Variants in CEBPZOS observed in about 807,000 individuals in gnomAD.
CEBPZOS encodes the protein CEBPZ opposite strand.
A neutral mutation model predicts 4.8 loss-of-function variants in CEBPZOS; 10 were observed. The observed-to-expected ratio is 2.07, with a 90% confidence interval of 1.28 to 3.52. The LOEUF is 3.52. Ranked by LOEUF, CEBPZOS falls within the 30% of genes most tolerant of loss-of-function variation. The pLI is 0.00. For synonymous variants in CEBPZOS, 25 were observed against 14.2 expected (o/e 1.77, Z -1.72); for missense variants, 98 against 43.6 (o/e 2.25, Z -3.51).
At chr2:37,216,143 G>A (rs751180231), downstream of CEBPZOS, 5 of 1,608,104 alleles carry the variant, frequency 3.1e-6, no homozygotes, top group Non-Finnish European at 4.3e-6. Flanking sequence ...TACTTACCAG[G>A]AAGATGACGA....
At chr2:37,216,151 C>T (rs140521893), downstream of CEBPZOS, 1,167 of 1,610,764 alleles carry the variant, frequency 7.2e-4, no homozygotes, top group Non-Finnish European at 9.6e-4. Flanking sequence ...AGGAAGATGA[C>T]GAATATCCTT....
chr2:37,206,862 A>G (rs1677555984), downstream of CEBPZOS, among the ~76,000 whole-genome samples: 1 of 152,224 alleles, frequency 6.6e-6, no homozygotes, highest in Non-Finnish European at 1.5e-5. Flanking sequence ...TCCTCTTAAA[A>G]GATACATTTG....
intron 1 of CEBPZOS, among the ~76,000 whole-genome samples, chr2:37,199,305 T>C (rs1216491922): frequency 6.6e-6 from 1 of 152,206 alleles, no homozygotes; most frequent in East Asian, 1.9e-4. Context: ...GATCTTACTT[T>C]TGTACGGCAC....
chr2:37,200,663 A>G (rs1677177255), intron 2 of CEBPZOS, among the ~76,000 whole-genome samples: 1 of 12,482 alleles, frequency 8.0e-5, no homozygotes, highest in Non-Finnish European at 1.1e-4. Context: ...TATCTTAAGA[A>G]AAAAAAAAAA....
At chr2:37,212,004 TTA>T in intron 4 of CEBPZOS, 1 of 1,603,748 alleles carries the variant, frequency 6.2e-7, no homozygotes, top group Middle Eastern at 1.7e-4. Flanking sequence ...ATCTAATGTG[TTA>T]TCCTTAGCTC....
At chr2:37,213,514 C>T (rs542907777) in exon 5 of CEBPZOS, 12 of 168,918 alleles carry the variant, frequency 7.1e-5, no homozygotes, top group Admixed American at 1.8e-4. Flanking sequence ...TGGATTCAAG[C>T]GATTCTCGTG....
downstream of CEBPZOS, among the ~76,000 whole-genome samples, chr2:37,206,580 A>G (rs1196054752): frequency 6.6e-6 from 1 of 151,442 alleles, no homozygotes; most frequent in Non-Finnish European, 1.5e-5. Flanking sequence ...CTGGTCTTGA[A>G]CTCCTGACTT....
intron 4 of CEBPZOS, chr2:37,209,776 T>C (rs150421073): frequency 1.6e-4 from 24 of 151,900 alleles, no homozygotes; most frequent in African/African-American, 5.8e-4. Context: ...CAAAAACAAA[T>C]AGATGGGACT....
At position 37,211,023 on chromosome 2, in the gene CEBPZOS, A is replaced by T. The variant is rs1452625750; in HGVS notation, c.*3-2414A>T. On this transcript the variant is annotated intron_variant, in intron 4 of 4. Coordinates refer to the CEBPZOS transcript ENST00000397064. ...CCTTGAAATGAGCCAGCAAAGTCAA[A>T]ATCATCTGTACCTTTTCTCTTGCTT... 4 of 1,611,196 alleles carry T rather than the reference A, an allele frequency of 2.5e-6. No individual in the cohort carries two copies. Among genetic ancestry groups the T allele is most frequent in the Non-Finnish European group, 3.4e-6 (4 of 1,178,722 alleles).
chr2:37,210,989 AT>A, intron 4 of CEBPZOS: 1 of 1,592,634 alleles, frequency 6.3e-7, no homozygotes. Context: ...TATTAAATGT[AT>A]TTTCTTACCT....
chr2:37,215,190 A>T (rs76305548), downstream of CEBPZOS: 1 of 206,162 alleles, frequency 4.9e-6, no homozygotes, highest in Non-Finnish European at 8.1e-6. Context: ...CATAGCTGTC[A>T]GTGCCGTTAC....
rs774197779 is a variant in CEBPZOS at position 37,202,460 on chromosome 2, C to T, written c.*600C>T. ...AGGAGTTCGAGACCAGCCTGGCCAA[C>T]ATGGTGAAACCCTGTTTCTACTAAA... On this transcript the variant is annotated 3_prime_UTR_variant, in exon 5 of 5. Transcript: ENST00000402297. The T allele has an allele frequency of 1.6e-5, 3 of 186,854 alleles. No homozygotes were observed. The highest frequency in any genetic ancestry group is 3.3e-5 in the Non-Finnish European group (3 of 89,620). 11.6% of individuals were successfully genotyped at this position (186,854 alleles called of 1,614,324 possible).
intron 4 of CEBPZOS, chr2:37,212,301 G>C: frequency 1.3e-6 from 2 of 1,588,502 alleles, no homozygotes; most frequent in Non-Finnish European, 1.7e-6. Context: ...GGAAATGCTA[G>C]AAAAATAGGA....
At chr2:37,207,269 C>A (rs1677570996), downstream of CEBPZOS, among the ~76,000 whole-genome samples, 1 of 152,164 alleles carries the variant, frequency 6.6e-6, no homozygotes, top group Non-Finnish European at 1.5e-5. Context: ...AACAAAGAAA[C>A]AATGGACTTA....
Position 37,201,911 on chromosome 2 carries a change from A to G in CEBPZOS, c.*51A>G. 6.2e-7 allele frequency: 1 copy of G among 1,611,030 alleles called. No homozygotes were observed. The highest frequency in any genetic ancestry group is 8.5e-7 in the Non-Finnish European group (1 of 1,179,098). On this transcript the variant is annotated 3_prime_UTR_variant, in exon 5 of 5. Transcript: ENST00000402297. Reference sequence around the variant, plus strand: ...ATCTAAGCTGTTTGAGACCTTTGAGAGAAGAAGAAAAGATGAGTGTACTAC... The same window carrying G: ...ATCTAAGCTGTTTGAGACCTTTGAGGGAAGAAGAAAAGATGAGTGTACTAC...
downstream of CEBPZOS, among the ~76,000 whole-genome samples, chr2:37,207,332 CA>C (rs1358354634): frequency 1.3e-5 from 2 of 152,126 alleles, no homozygotes; most frequent in East Asian, 3.9e-4. Flanking sequence ...ACATTCTACC[CA>C]AAAACTGCAG....
intron 3 of CEBPZOS, 35 bp from the exon 4 acceptor site, chr2:37,201,607 A>G (rs1677237740): frequency 7.3e-6 from 5 of 683,344 alleles, no homozygotes; most frequent in African/African-American, 1.8e-5. Context: ...ATGCTTCCAC[A>G]TGACTTTATA....
intron 4 of CEBPZOS, chr2:37,212,250 A>AT: frequency 8.1e-7 from 1 of 1,233,206 alleles, no homozygotes; most frequent in Non-Finnish European, 1.2e-6. Context: ...CCCCTTTATC[A>AT]TATAGTTCTG....
At chr2:37,200,876 C>T (rs1180594886) in intron 2 of CEBPZOS, among the ~76,000 whole-genome samples, 172 bp from the exon 3 acceptor site, 1 of 152,064 alleles carries the variant, frequency 6.6e-6, no homozygotes, top group Non-Finnish European at 1.5e-5. Context: ...GAGATCCTGA[C>T]TCAAAAAAAC....
Sources: allele counts gnomAD v4.1 joint callset (sites outside exome capture counted in the v4.1 genomes callset), GRCh38; gene constraint gnomAD v4.1.1; transcripts MANE v1.5; gene names NCBI Gene and HGNC (gene_info 2026-07-23, HGNC 2026-07-21).